Variants in SEMA6A observed in about 807,000 individuals in gnomAD.
SEMA6A encodes semaphorin-6A.
Under a neutral mutation model 96.8 loss-of-function variants are expected in SEMA6A, and 25 were observed. The ratio of observed to expected loss-of-function variants is 0.26; its 90% CI spans 0.19 to 0.36. The LOEUF (loss-of-function observed/expected upper bound fraction) is 0.36, where lower values mean the gene tolerates loss of function less well. Among genes scored for constraint, SEMA6A ranks in the 10% least tolerant of loss-of-function variants. The probability of loss-of-function intolerance (pLI) is 1.00; values close to 1 mark genes in which losing one functional copy is unlikely to be tolerated. For missense variants in SEMA6A, 1,363 were observed against 1,323.1 expected (o/e 1.03, Z -0.47); for synonymous variants, 612 against 518.0 (o/e 1.18, Z -2.46).
chr5:116,558,870 A>C (rs254210), intron 1 of SEMA6A, among the ~76,000 whole-genome samples: 100,927 of 152,116 alleles, frequency 0.66, 35,107 homozygotes, highest in East Asian at 0.86. Flanking sequence ...AGAGACAAAC[A>C]CTCATATAAA....
chr5:116,472,037 C>T (rs1390892682), intron 17 of SEMA6A, among the ~76,000 whole-genome samples: 2 of 152,116 alleles, frequency 1.3e-5, no homozygotes. Flanking sequence ...GCTGTGTATA[C>T]ATGAAACTCA....
chr5:116,563,954 G>A (rs184860191), intron 1 of SEMA6A, among the ~76,000 whole-genome samples: 20 of 152,086 alleles, frequency 1.3e-4, no homozygotes, highest in Admixed American at 1.3e-3. Flanking sequence ...TGAAGCCTCT[G>A]GGTGAGCCAG....
At chr5:116,489,143 C>T (rs1238800548) in intron 7 of SEMA6A, 136 bp from the exon 8 acceptor site, 2 of 994,754 alleles carry the variant, frequency 2.0e-6, no homozygotes, top group Admixed American at 3.2e-5. Context: ...CCAAGAGTCG[C>T]TGGGAAAACT....
At chr5:116,494,015 A>G (rs1192245549) in intron 6 of SEMA6A, among the ~76,000 whole-genome samples, 2 of 151,994 alleles carry the variant, frequency 1.3e-5, no homozygotes, top group African/African-American at 2.4e-5. Flanking sequence ...TGGCAGCCCC[A>G]TCCATCTACT....
intron 18 of SEMA6A, among the ~76,000 whole-genome samples, chr5:116,458,095 C>T (rs991115674): frequency 6.6e-6 from 1 of 152,040 alleles, no homozygotes; most frequent in South Asian, 2.1e-4. Context: ...TTCTAACAAG[C>T]CTTTTAAAAA....
chr5:116,551,764 G>GTAATA (rs1760421936), intron 1 of SEMA6A, among the ~76,000 whole-genome samples: 1 of 152,190 alleles, frequency 6.6e-6, no homozygotes, highest in African/African-American at 2.4e-5. Context: ...AGGTATCTCA[G>GTAATA]AGGTCGTAAT....
At chr5:116,543,175 T>C (rs556247517) in intron 1 of SEMA6A, among the ~76,000 whole-genome samples, 55 of 152,224 alleles carry the variant, frequency 3.6e-4, no homozygotes, top group Non-Finnish European at 6.6e-4. Flanking sequence ...CTTGAAGACA[T>C]AGAAGTGCTA....
chr5:116,516,786 C>T (rs896567220), intron 1 of SEMA6A, among the ~76,000 whole-genome samples: 2 of 152,076 alleles, frequency 1.3e-5, no homozygotes, highest in East Asian at 1.9e-4. Context: ...TTCCTTAGAG[C>T]GAATGAAAAT....
chr5:116,502,417 G>C, intron 2 of SEMA6A, 90 bp from the exon 3 acceptor site: 1 of 1,104,500 alleles, frequency 9.1e-7, no homozygotes, highest in Non-Finnish European at 1.4e-6. Flanking sequence ...GGTCACAAAA[G>C]AAACCCGTGT....
chr5:116,472,792 CT>C, intron 17 of SEMA6A: 1 of 933,322 alleles, frequency 1.1e-6, no homozygotes. Flanking sequence ...AACAAAGAAT[CT>C]GGTCCATGAT....
At chr5:116,522,435 G>T (rs562748509) in intron 1 of SEMA6A, among the ~76,000 whole-genome samples, 2 of 152,290 alleles carry the variant, frequency 1.3e-5, no homozygotes, top group East Asian at 3.9e-4. Flanking sequence ...TGGAATACAG[G>T]ATGCGGGTGA....
intron 1 of SEMA6A, among the ~76,000 whole-genome samples, chr5:116,514,342 T>C (rs879778597): frequency 2.0e-5 from 3 of 152,158 alleles, no homozygotes; most frequent in Non-Finnish European, 4.4e-5. Context: ...TGGTATCTGA[T>C]TGTGGTTTTG....
chr5:116,555,759 C>T (rs746311998), intron 1 of SEMA6A, among the ~76,000 whole-genome samples: 8 of 152,004 alleles, frequency 5.3e-5, no homozygotes, highest in Non-Finnish European at 7.4e-5. Context: ...CCCAGGAGCT[C>T]GAGGCTGCAG....
chr5:116,479,853 CAATGGGCTAATCCAGAAG>C (rs1223451122), intron 12 of SEMA6A, among the ~76,000 whole-genome samples: 1 of 152,152 alleles, frequency 6.6e-6, no homozygotes, highest in East Asian at 1.9e-4. Flanking sequence ...CAGATTGGAT[CAATGGGCTAATCCAGAAG>C]GAAAGGTATT....
At chr5:116,496,018 C>T (rs963559059) in intron 5 of SEMA6A, 1 of 457,450 alleles carries the variant, frequency 2.2e-6, no homozygotes, top group Middle Eastern at 5.9e-4. Flanking sequence ...GTCCATAATC[C>T]TGTGTGCGCC....
chr5:116,453,552 A>G (rs1338580431), intron 18 of SEMA6A, among the ~76,000 whole-genome samples: 1 of 152,200 alleles, frequency 6.6e-6, no homozygotes, highest in African/African-American at 2.4e-5. Flanking sequence ...AGCTAGAAAT[A>G]CCATTTGGAA....
intron 1 of SEMA6A, among the ~76,000 whole-genome samples, chr5:116,539,453 C>T (rs1759866487): frequency 6.6e-6 from 1 of 152,096 alleles, no homozygotes; most frequent in Non-Finnish European, 1.5e-5. Flanking sequence ...TGTAAGAATC[C>T]TCTTGCCTCT....
At position 116,467,624 on chromosome 5, in the gene SEMA6A, G is replaced by T. The variant is rs746697574; in HGVS notation, c.1853C>A (p.Pro618His). 37 of 1,613,368 alleles carry T rather than the reference G, an allele frequency of 2.3e-5. 1 individual carries two copies. In the South Asian group the frequency reaches 3.6e-4, roughly 16 times the overall value. ...HLLDSPDSTD[P>H]LGAVSSHNHQ... ...ATTATGGGAAGACACTGCCCCCAAA[G>T]GGTCTGTGCTGTCAGGTGAGTCAAG... is the stretch of plus-strand genomic sequence containing the variant. Residue 618 changes from proline to histidine, a missense_variant, in exon 18 of 19, where the codon CCT (proline) becomes CAT (histidine). Physicochemically the swap from Pro to His is moderately conservative, Grantham distance 77. Coordinates refer to ENST00000343348, the MANE Select transcript of SEMA6A (RefSeq NM_020796.5).
chr5:116,527,546 A>G (rs1759283443), intron 1 of SEMA6A, among the ~76,000 whole-genome samples: 2 of 152,250 alleles, frequency 1.3e-5, no homozygotes, highest in South Asian at 4.1e-4. Flanking sequence ...AGGTTGAGGA[A>G]GAAATTCTTA....
Sources: gnomAD v4.1 joint callset for allele counts (sites outside exome capture counted in the v4.1 genomes callset) on GRCh38, gnomAD v4.1.1 for gene constraint, MANE v1.5 for transcripts, NCBI Gene and HGNC (gene_info 2026-07-23, HGNC 2026-07-21) for gene names.